The following AFG3L2 variants were observed in gnomAD, a reference collection of about 807,000 sequenced individuals.
AFG3L2 encodes the protein mitochondrial inner membrane m-AAA protease component AFG3L2.
In AFG3L2, 54 loss-of-function variants were observed where a neutral mutation model predicts 94.5. The ratio of observed to expected loss-of-function variants is 0.57; its 90% confidence interval spans 0.46 to 0.72. AFG3L2 has a LOEUF of 0.72. Among genes scored for constraint, AFG3L2 ranks in the 30% least tolerant of loss-of-function variants. The pLI is 0.00. For missense variants in AFG3L2, 754 were observed against 994.9 expected (o/e 0.76, Z 3.26); for synonymous variants, 377 against 365.5 (o/e 1.03, Z -0.36).
intron 10 of AFG3L2, 78 bp from the exon 11 acceptor site, chr18:12,351,491 G>A (rs1227613002): frequency 1.7e-5 from 21 of 1,203,752 alleles, no homozygotes; most frequent in South Asian, 3.7e-5. Context: ...GAACATATGA[G>A]CACTGCAAAT....
chr18:12,348,934 TTAAA>T (rs773533753), intron 12 of AFG3L2, among the ~76,000 whole-genome samples: 1 of 152,240 alleles, frequency 6.6e-6, no homozygotes, highest in Non-Finnish European at 1.5e-5. Flanking sequence ...ACCATCTGTG[TTAAA>T]TAAACAAATA....
chr18:12,368,932 T>C (rs1908892676), intron 3 of AFG3L2, among the ~76,000 whole-genome samples: 1 of 152,124 alleles, frequency 6.6e-6, no homozygotes, highest in Admixed American at 6.6e-5. Flanking sequence ...TCAGTGACCA[T>C]GAAGCAACCC....
chr18:12,369,674 C>T (rs1361100312), intron 3 of AFG3L2, among the ~76,000 whole-genome samples: 1 of 150,340 alleles, frequency 6.7e-6, no homozygotes, highest in Non-Finnish European at 1.5e-5. Context: ...TGAGATCGTG[C>T]CACTGCACTC....
chr18:12,364,312 G>C (rs1243446992), intron 5 of AFG3L2, among the ~76,000 whole-genome samples: 1 of 152,154 alleles, frequency 6.6e-6, no homozygotes, highest in East Asian at 1.9e-4. Flanking sequence ...CCTGTTAACA[G>C]ACAGCTAGCC....
Position 12,353,169 on chromosome 18 carries a change from A to T in AFG3L2, c.1165-11T>A, listed in dbSNP as rs781382540. On this transcript the variant is annotated splice_polypyrimidine_tract_variant and intron_variant, in intron 9 of 16. Transcript: ENST00000269143. Reference sequence around the variant, plus strand: ...AAATAAGTCTCGGACCTTGGCAAAAACAGAAAGAGAGTCACCTGACCAGAG... The same window carrying T: ...AAATAAGTCTCGGACCTTGGCAAAATCAGAAAGAGAGTCACCTGACCAGAG... The T allele has an allele frequency of 5.6e-6, 9 of 1,613,804 alleles. No homozygotes were observed. Among genetic ancestry groups the T allele is most frequent in the Non-Finnish European group, 7.6e-6 (9 of 1,179,842 alleles).
chr18:12,371,917 T>C (rs1011974219), intron 1 of AFG3L2, among the ~76,000 whole-genome samples: 5 of 152,192 alleles, frequency 3.3e-5, no homozygotes, highest in Non-Finnish European at 7.3e-5. Context: ...AACAAGAATA[T>C]TTCAAAATCA....
At position 12,345,302 on chromosome 18, in the gene AFG3L2, A is replaced by G. The variant is rs558765158; in HGVS notation, c.1664-1055T>C. ...CGTGATTCTTCTCTGGCCTGGATCAACGTGGGCTCTGCCCCTCACTCCATA... is the reference window on the plus strand; with the variant it reads ...CGTGATTCTTCTCTGGCCTGGATCAGCGTGGGCTCTGCCCCTCACTCCATA... On this transcript the variant is annotated intron_variant, in intron 13 of 16. Coordinates refer to ENST00000269143, the MANE Select transcript of AFG3L2 (RefSeq NM_006796.3). Among the ~76,000 whole-genome samples the G allele has an allele frequency of 2.6e-5, 4 of 152,384 alleles. No homozygotes were observed. In the East Asian group the frequency reaches 5.8e-4, roughly 22 times the overall value.
At chr18:12,364,242 A>T (rs1372938010) in intron 5 of AFG3L2, among the ~76,000 whole-genome samples, 3 of 152,188 alleles carry the variant, frequency 2.0e-5, no homozygotes, top group African/African-American at 7.2e-5. Context: ...ACGCAAGCTG[A>T]CACTTCCGTG....
rs34066430 is a variant in AFG3L2, at chr18:12,356,499, G to A, written c.1164+195C>T. Among the ~76,000 whole-genome samples, 30 of 152,324 alleles carry A rather than the reference G, an allele frequency of 2.0e-4. 1 individual carries two copies. In the East Asian group the frequency reaches 5.8e-3, roughly 29 times the overall value. On this transcript the variant is annotated intron_variant, in intron 9 of 16. Coordinates refer to ENST00000269143, the MANE Select transcript of AFG3L2 (RefSeq NM_006796.3). Reference sequence around the variant, plus strand: ...CTATAGGTAGCAGACTGCAGTCCTAGCTGGTGCGAGGGAAGGTGGGGTGGA... The same window carrying A: ...CTATAGGTAGCAGACTGCAGTCCTAACTGGTGCGAGGGAAGGTGGGGTGGA...
chr18:12,358,748 G>C lies in AFG3L2; in HGVS notation c.948C>G (p.Ala316=). ...KFKDVAGCEE[A]KLEIMEFVNF... ...TCACAAATTCCATGATCTCTAGCTT[G>C]GCCTCCTCACAGCCAGCCACATCTT... Residue 316 remains alanine (A), a synonymous_variant, in exon 8 of 17, where the codon GCC becomes GCG. Transcript: ENST00000269143. The C allele has an allele frequency of 6.2e-7, 1 of 1,614,188 alleles. No homozygotes were observed. The highest frequency in any genetic ancestry group is 1.1e-5 in the South Asian group (1 of 91,088).
At chr18:12,337,979 A>G (rs1186713290) in intron 15 of AFG3L2, among the ~76,000 whole-genome samples, 1 of 152,152 alleles carries the variant, frequency 6.6e-6, no homozygotes, top group East Asian at 1.9e-4. Flanking sequence ...CATGTTGGCC[A>G]GGCTGGTCTT....
Position 12,377,002 on chromosome 18 carries a change from G to A in AFG3L2, c.81C>T (p.Gly27=), listed in dbSNP as rs1909181805. ...GGCAGGGCTGCTCGCCCGGGCCCAC[G>A]CCGCCAGGCACGAGGAGCTGCTGTA... ...RGLQQLLVPG[G]VGPGEQPCLR... is the part of the protein sequence containing the mutation. Residue 27 remains glycine, a synonymous_variant, in exon 1 of 17, where the codon GGC becomes GGT. Coordinates refer to ENST00000269143, the MANE Select transcript of AFG3L2 (RefSeq NM_006796.3). 1 of 1,461,144 alleles carries A rather than the reference G, an allele frequency of 6.8e-7. No homozygotes were observed. The highest frequency in any genetic ancestry group is 9.0e-7 in the Non-Finnish European group (1 of 1,110,922). The allele number at this position is 1,461,144 out of a possible 1,614,324, so 90.5% of individuals were successfully genotyped here.
At chr18:12,367,138 C>T (rs1568145459) in intron 4 of AFG3L2, 21 bp from the exon 5 acceptor site, 1 of 1,614,160 alleles carries the variant, frequency 6.2e-7, no homozygotes, top group African/African-American at 1.3e-5. Context: ...AGGGAGACAG[C>T]TTCTGTGAAG....
chr18:12,363,120 T>C (rs1309799581), intron 6 of AFG3L2, among the ~76,000 whole-genome samples: 3 of 152,210 alleles, frequency 2.0e-5, no homozygotes, highest in Admixed American at 6.5e-5. Context: ...CCATCACTTC[T>C]AGTTGTCCTT....
chr18:12,347,136 AAAAAC>A (rs1035383391), intron 13 of AFG3L2, among the ~76,000 whole-genome samples: 9 of 152,330 alleles, frequency 5.9e-5, no homozygotes, highest in Admixed American at 3.3e-4. Context: ...CAAAAAACAA[AAAAAC>A]AAAACAAAAC....
At chr18:12,357,635 T>C (rs1020701459) in intron 8 of AFG3L2, among the ~76,000 whole-genome samples, 3 of 152,174 alleles carry the variant, frequency 2.0e-5, no homozygotes, top group Non-Finnish European at 4.4e-5. Flanking sequence ...AGTTTCACTC[T>C]TGTCCAGGCT....
At chr18:12,356,889 T>C in intron 8 of AFG3L2, 58 bp from the exon 9 acceptor site, 1 of 1,527,708 alleles carries the variant, frequency 6.5e-7, no homozygotes, top group Admixed American at 1.8e-5. Flanking sequence ...GTAAATTGTG[T>C]ATCCACAAAT....
chr18:12,371,340 T>A lies in AFG3L2; in HGVS notation c.214+252A>T, dbSNP rs571843979. On this transcript the variant is annotated intron_variant, in intron 2 of 16. Transcript: ENST00000269143. ...CAAAAAAAAAAAAAAAAGCACAAGC[T>A]AAAAGCATAACATTTCTTGTGTACA... 2.8e-3 allele frequency among the ~76,000 whole-genome samples: 411 copies of A among 148,444 alleles called. 1 individual carries two copies. Among genetic ancestry groups the A allele is most frequent in the African/African-American group, 9.8e-3 (397 of 40,630 alleles).
intron 1 of AFG3L2, among the ~76,000 whole-genome samples, chr18:12,372,332 A>T (rs911532121): frequency 6.6e-6 from 1 of 152,200 alleles, no homozygotes; most frequent in Non-Finnish European, 1.5e-5. Flanking sequence ...TAATAGTTAT[A>T]AAAATTACAA....
Sources: allele counts gnomAD v4.1 joint callset (sites outside exome capture counted in the v4.1 genomes callset), GRCh38; gene constraint gnomAD v4.1.1; transcripts MANE v1.5; gene names NCBI Gene and HGNC (gene_info 2026-07-23, HGNC 2026-07-21).